SHROOM4: variants seen among roughly 807,000 people sequenced by gnomAD.
The protein encoded by SHROOM4 is protein Shroom4.
SHROOM4 carries 17 observed loss-of-function variants against 80.3 expected under a neutral mutation model. The observed-to-expected ratio is 0.21, with a 90% CI of 0.14 to 0.32. The LOEUF (loss-of-function observed/expected upper bound fraction) is 0.32. Ranked by LOEUF, SHROOM4 falls within the 10% of genes least tolerant of loss-of-function variation. The pLI, the probability that SHROOM4 is intolerant of heterozygous loss-of-function variation, is 1.00. For missense variants in SHROOM4, 993 were observed against 1,140.3 expected (o/e 0.87, Z 1.86); for synonymous variants, 400 against 437.5 (o/e 0.91, Z 1.07).
intron 1 of SHROOM4, among the ~76,000 whole-genome samples, chrX:50,714,580 G>GA (rs1272358496): frequency 4.5e-5 from 5 of 111,641 alleles, no homozygotes; most frequent in African/African-American, 6.5e-5. Context: ...AGAAAAAAAG[G>GA]AAAAAACTGG....
chrX:50,694,478 GT>G (rs1778266958), intron 2 of SHROOM4, among the ~76,000 whole-genome samples: 1 of 89,468 alleles, frequency 1.1e-5, no homozygotes, highest in Non-Finnish European at 2.2e-5. Flanking sequence ...TCATATGCCT[GT>G]TGGCCATTTG....
chrX:50,772,107 G>A (rs1288072614), intron 1 of SHROOM4, among the ~76,000 whole-genome samples: 1 of 110,805 alleles, frequency 9.0e-6, no homozygotes, highest in Non-Finnish European at 1.9e-5. Context: ...ACCTCTAGGA[G>A]GTAGGAATGT....
At chrX:50,656,540 T>C (rs782368483) in intron 2 of SHROOM4, among the ~76,000 whole-genome samples, 47 of 112,114 alleles carry the variant, frequency 4.2e-4, no homozygotes, top group African/African-American at 1.2e-3. Flanking sequence ...TTGACACCTT[T>C]GTTGAAGACC....
chrX:50,613,164 G>C (rs782561541), intron 5 of SHROOM4, among the ~76,000 whole-genome samples: 6 of 111,493 alleles, frequency 5.4e-5, no homozygotes, highest in Non-Finnish European at 1.1e-4. Flanking sequence ...CTGTCACCTA[G>C]GCTGGAGTGC....
At chrX:50,714,595 T>C (rs1304750558) in intron 1 of SHROOM4, among the ~76,000 whole-genome samples, 2 of 112,074 alleles carry the variant, frequency 1.8e-5, no homozygotes, top group African/African-American at 6.5e-5. Flanking sequence ...AACTGGACAA[T>C]GGGGTGGGAG....
chrX:50,576,193 C>T, the SHROOM4 span, among the ~76,000 whole-genome samples: 1 of 112,050 alleles, frequency 8.9e-6, no homozygotes, highest in Non-Finnish European at 1.9e-5. Context: ...TCTCTGGTCA[C>T]TTATCATTAC....
intron 5 of SHROOM4, among the ~76,000 whole-genome samples, chrX:50,625,029 A>G (rs1479279048): frequency 3.6e-5 from 4 of 112,080 alleles, no homozygotes; most frequent in African/African-American, 1.3e-4. Flanking sequence ...CAATGGTGAC[A>G]TAATTTTGGA....
rs901996539 is a variant in SHROOM4, at chrX:50,613,932, C to T, written c.2958-5748G>A. The stretch of plus-strand genomic sequence containing the variant: ...AAGTTAGCAGTAAATAAGGCAGTCT[C>T]ACAAATAGAAAGGTAGATCCATGGA... On this transcript the variant is annotated intron_variant, in intron 5 of 8. Coordinates refer to ENST00000376020, the MANE Select transcript of SHROOM4 (RefSeq NM_020717.5). Among the ~76,000 whole-genome samples the T allele has an allele frequency of 5.4e-5, 6 of 111,963 alleles. No homozygotes were observed. In the East Asian group the frequency reaches 1.7e-3, roughly 31 times the overall value.
At chrX:50,801,620 T>C (rs1325313666) in intron 1 of SHROOM4, among the ~76,000 whole-genome samples, 2 of 111,782 alleles carry the variant, frequency 1.8e-5, no homozygotes, top group African/African-American at 6.5e-5. Context: ...AACACTGCAC[T>C]TTTCTTCAGC....
intron 1 of SHROOM4, among the ~76,000 whole-genome samples, chrX:50,774,717 G>A (rs146357812): frequency 0.04 from 4,310 of 107,607 alleles, 111 homozygotes; most frequent in African/African-American, 0.089. Flanking sequence ...ATTTAAAAAG[G>A]AAACCTTTTG....
intron 2 of SHROOM4, among the ~76,000 whole-genome samples, chrX:50,674,867 A>G (rs1377496909): frequency 8.9e-6 from 1 of 111,851 alleles, no homozygotes; most frequent in Non-Finnish European, 1.9e-5. Flanking sequence ...TTAGTAGAGA[A>G]AAGCAATATC....
chrX:50,710,422 C>T (rs982887012), intron 1 of SHROOM4, among the ~76,000 whole-genome samples: 1 of 111,475 alleles, frequency 9.0e-6, no homozygotes, highest in East Asian at 2.8e-4. Context: ...AACAGAAAAC[C>T]AAATACCACA....
intron 1 of SHROOM4, among the ~76,000 whole-genome samples, chrX:50,775,702 A>G (rs1205442703): frequency 1.8e-5 from 2 of 111,918 alleles, no homozygotes; most frequent in Non-Finnish European, 3.8e-5. Context: ...ACATTTTTAC[A>G]TACTCATGTT....
At chrX:50,706,829 A>G (rs1430068004) in intron 1 of SHROOM4, among the ~76,000 whole-genome samples, 3 of 111,923 alleles carry the variant, frequency 2.7e-5, no homozygotes, top group Non-Finnish European at 5.6e-5. Context: ...TAGACTCTCA[A>G]TTTAGTGGAA....
chrX:50,784,634 G>C (rs1379431441), intron 1 of SHROOM4, among the ~76,000 whole-genome samples: 1 of 111,778 alleles, frequency 8.9e-6, no homozygotes, highest in Non-Finnish European at 1.9e-5. Context: ...CTAAACCCAA[G>C]TGCAAGAGCT....
chrX:50,718,874 C>T (rs1557265171), intron 1 of SHROOM4, among the ~76,000 whole-genome samples: 1 of 111,365 alleles, frequency 9.0e-6, no homozygotes, highest in African/African-American at 3.3e-5. Flanking sequence ...TCTCCTAGCC[C>T]AATGCAAACT....
chrX:50,814,095 C>A lies in SHROOM4; in HGVS notation c.-77G>T. The A allele has an allele frequency of 1.5e-6, 1 of 667,305 alleles. No individual in the cohort carries two copies. Among genetic ancestry groups the A allele is most frequent in the Non-Finnish European group, 2.4e-6 (1 of 414,054 alleles). The allele number at this position is 667,305 out of a possible 1,213,427, so 55.0% of individuals were successfully genotyped here. A position where few individuals can be genotyped will look rare whatever the true frequency, so the allele number is the denominator to read the frequency against. ...GCCTCCGCCCCCAGCAGCTCCGCCA[C>A]CATCGCCCTCCAGCTCTACGCCACC... is the stretch of plus-strand genomic sequence containing the variant. On this transcript the variant is annotated 5_prime_UTR_variant, in exon 1 of 9. Transcript: ENST00000376020.
intron 1 of SHROOM4, among the ~76,000 whole-genome samples, chrX:50,735,028 A>C (rs1361798108): frequency 9.0e-6 from 1 of 111,016 alleles, no homozygotes; most frequent in Non-Finnish European, 1.9e-5. Flanking sequence ...AGTCTCGAGT[A>C]TGTTTTTATT....
intron 2 of SHROOM4, among the ~76,000 whole-genome samples, chrX:50,656,018 CA>C (rs1471650984): frequency 3.6e-5 from 4 of 111,783 alleles, no homozygotes; most frequent in South Asian, 3.7e-4. Flanking sequence ...TGACGTCAAA[CA>C]TTTTTTTAAA....
Sources: gnomAD v4.1 joint callset for allele counts (sites outside exome capture counted in the v4.1 genomes callset) on GRCh38, gnomAD v4.1.1 for gene constraint, MANE v1.5 for transcripts, NCBI Gene and HGNC (gene_info 2026-07-23, HGNC 2026-07-21) for gene names.